MICAL3: variants seen among roughly 807,000 people sequenced by gnomAD.
MICAL3 encodes [F-actin]-monooxygenase MICAL3.
Under a neutral mutation model 207.4 loss-of-function variants are expected in MICAL3, and 62 were observed. That is an observed-to-expected ratio of 0.30 (90% confidence interval 0.24 to 0.37). The LOEUF is 0.37. MICAL3 is among the 10% of genes least tolerant of loss of function. The pLI is 1.00. For missense variants in MICAL3, 2,368 were observed against 2,635.6 expected, an observed-to-expected ratio of 0.90 and a Z score of 2.22; for synonymous variants, 1,077 against 1,069.3, an observed-to-expected ratio of 1.01 and a Z score of -0.14.
intron 19 of MICAL3, among the ~76,000 whole-genome samples, chr22:17,855,590 C>T (rs2016042): frequency 0.37 from 56,060 of 152,060 alleles, 10,518 homozygotes; most frequent in East Asian, 0.48. Flanking sequence ...TTCGAGAGGA[C>T]CAAAACGAAG....
At chr22:17,830,915 G>A (rs572210468) in intron 21 of MICAL3, among the ~76,000 whole-genome samples, 9 of 152,346 alleles carry the variant, frequency 5.9e-5, no homozygotes, top group African/African-American at 2.2e-4. Context: ...TCAGGAACAT[G>A]AGCCCTGTCA....
At chr22:17,998,536 A>T (rs1922561517) in intron 1 of MICAL3, among the ~76,000 whole-genome samples, 1 of 135,600 alleles carries the variant, frequency 7.4e-6, no homozygotes, top group Non-Finnish European at 1.5e-5. Flanking sequence ...CCAGAGCATA[A>T]TAATAATAAT....
intron 1 of MICAL3, among the ~76,000 whole-genome samples, chr22:17,918,479 C>A (rs1932681298): frequency 6.6e-6 from 1 of 152,190 alleles, no homozygotes; most frequent in Non-Finnish European, 1.5e-5. Flanking sequence ...TAATGTGTGG[C>A]AGCCAGATTC....
chr22:17,796,535 G>C lies in MICAL3; in HGVS notation c.5651-5234C>G, dbSNP rs1456325886. On this transcript the variant is annotated intron_variant, in intron 29 of 31. Coordinates refer to ENST00000441493, the MANE Select transcript of MICAL3 (RefSeq NM_015241.3). The surrounding 1 kb of genome is among the most constrained non-coding windows in gnomAD (Gnocchi z 4.4). Reference sequence around the variant, plus strand: ...GTTAAGTGTGGCAGAGCCTGGAAAAGAAGCCAAATCTTCTTGCCCACTCTG... The same window carrying C: ...GTTAAGTGTGGCAGAGCCTGGAAAACAAGCCAAATCTTCTTGCCCACTCTG... Among the ~76,000 whole-genome samples the C allele has an allele frequency of 6.6e-6, 1 of 152,234 alleles. No individual in the cohort carries two copies. The highest frequency in any genetic ancestry group is 1.5e-5 in the Non-Finnish European group (1 of 68,036).
intron 1 of MICAL3, among the ~76,000 whole-genome samples, chr22:17,958,262 T>C (rs1934726852): frequency 6.6e-6 from 1 of 152,166 alleles, no homozygotes; most frequent in Admixed American, 6.5e-5. Flanking sequence ...TGGCCAATAC[T>C]CACCCTTGCT....
intron 19 of MICAL3, among the ~76,000 whole-genome samples, chr22:17,855,070 C>T (rs976028869): frequency 2.6e-5 from 4 of 152,176 alleles, no homozygotes; most frequent in South Asian, 2.1e-4. Context: ...CAGGCCAGGC[C>T]GTGCCACACA....
In MICAL3 at chr22:17,902,038, C is replaced by T; in HGVS notation, c.590-59G>A. The T allele has an allele frequency of 3.2e-6, 4 of 1,243,166 alleles. No homozygotes were observed. The South Asian group carries it at 5.2e-5, about 16-fold the overall frequency. The allele number at this position is 1,243,166 out of a possible 1,614,324, so 77.0% of individuals were successfully genotyped here. A position where few individuals can be genotyped will look rare whatever the true frequency, so the allele number is the denominator to read the frequency against. On this transcript the variant is annotated intron_variant, in intron 4 of 31. Coordinates refer to ENST00000441493, the MANE Select transcript of MICAL3 (RefSeq NM_015241.3). The surrounding 1 kb of genome is among the most constrained non-coding windows in gnomAD (Gnocchi z 4.5). ...ACCCAGACCACATTCACAGCCAGGA[C>T]CATCTCTAGATACCCAGTCATGTGA...
At chr22:17,803,888 A>T (rs750982055) in intron 29 of MICAL3, 120 of 978,308 alleles carry the variant, frequency 1.2e-4, no homozygotes, top group Non-Finnish European at 1.4e-4. Context: ...GTGAAGAGAG[A>T]GTTATTCCAT....
chr22:17,942,849 G>A (rs114104540), intron 1 of MICAL3, among the ~76,000 whole-genome samples: 2 of 152,196 alleles, frequency 1.3e-5, no homozygotes, highest in African/African-American at 2.4e-5. Flanking sequence ...CTGCTCTGCC[G>A]AATTCCCAGC....
chr22:17,886,157 T>A, intron 15 of MICAL3, 106 bp from the exon 16 acceptor site: 1 of 1,229,202 alleles, frequency 8.1e-7, no homozygotes, highest in Non-Finnish European at 1.2e-6. Context: ...GCTGGTGGAC[T>A]GGCTCAGCTC....
intron 19 of MICAL3, 37 bp downstream of exon 19, chr22:17,864,862 T>C: frequency 6.2e-7 from 1 of 1,613,818 alleles, no homozygotes; most frequent in Non-Finnish European, 8.5e-7. Context: ...GCCGAGGGAG[T>C]GACGCGCCAC....
intron 29 of MICAL3, among the ~76,000 whole-genome samples, chr22:17,801,162 T>TGC (rs1230218029): frequency 2.0e-5 from 2 of 100,238 alleles, no homozygotes; most frequent in African/African-American, 5.9e-5. Context: ...TTTTTTTTTT[T>TGC]TTTTTTTTGA....
At chr22:17,978,632 G>C (rs897738305) in intron 1 of MICAL3, among the ~76,000 whole-genome samples, 2 of 151,586 alleles carry the variant, frequency 1.3e-5, no homozygotes, top group Non-Finnish European at 2.9e-5. Flanking sequence ...TCCTACTTCA[G>C]GCTCCTGAGT....
chr22:17,858,639 C>T (rs545358261), intron 19 of MICAL3, among the ~76,000 whole-genome samples: 2 of 152,302 alleles, frequency 1.3e-5, no homozygotes, highest in African/African-American at 4.8e-5. Flanking sequence ...GTGTGTGCCA[C>T]GGCCTCCCTC....
At chr22:17,891,359 G>A (rs1930382022) in intron 12 of MICAL3, 126 bp downstream of exon 12, 5 of 751,622 alleles carry the variant, frequency 6.7e-6, no homozygotes, top group Non-Finnish European at 1.1e-5. Context: ...CAAAATCACT[G>A]CCTTCTAGAG....
intron 29 of MICAL3, among the ~76,000 whole-genome samples, chr22:17,792,069 G>C (rs916605187): frequency 3.9e-5 from 6 of 152,196 alleles, no homozygotes; most frequent in African/African-American, 1.4e-4. Flanking sequence ...AACAGGTGCC[G>C]ATACCAAACC....
Position 17,898,742 on chromosome 22 carries a change from G to A in MICAL3, c.948+706C>T, listed in dbSNP as rs148207147. Among the ~76,000 whole-genome samples the A allele has an allele frequency of 7.2e-4, 109 of 152,286 alleles. 3 individuals carry two copies. In the East Asian group the frequency reaches 9.8e-3, roughly 14 times the overall value. On this transcript the variant is annotated intron_variant, in intron 7 of 31. Transcript: ENST00000441493. ...AAACTCTCCTTCAGGGACCATCCACGCGGTGGTCTTCTGACTTCATATTTC... is the reference window on the plus strand; with the variant it reads ...AAACTCTCCTTCAGGGACCATCCACACGGTGGTCTTCTGACTTCATATTTC...
In MICAL3 at chr22:17,841,719, G is replaced by A; in HGVS notation, c.2801+103C>T. ...AGAATGGACTGCGGGCAGCAGGAAA[G>A]ACAGGAGGCCTCCCTTCACTGAGAA... On this transcript the variant is annotated intron_variant, in intron 20 of 31. Transcript: ENST00000441493. The surrounding 1 kb of genome is among the most constrained non-coding windows in gnomAD (Gnocchi z 4.2). The A allele has an allele frequency of 1.6e-6, 2 of 1,228,030 alleles. No homozygotes were observed. Among genetic ancestry groups the A allele is most frequent in the Non-Finnish European group, 2.3e-6 (2 of 874,284 alleles). 76.1% of individuals were successfully genotyped at this position (1,228,030 alleles called of 1,614,324 possible).
At chr22:17,891,694 C>T in intron 11 of MICAL3, 62 bp from the exon 12 acceptor site, 4 of 1,527,026 alleles carry the variant, frequency 2.6e-6, no homozygotes, top group Non-Finnish European at 2.7e-6. Context: ...GACAGAGAAT[C>T]CTCTTTGTAG....
Sources: gnomAD v4.1 joint callset for allele counts (sites outside exome capture counted in the v4.1 genomes callset) on GRCh38, gnomAD v4.1.1 for gene constraint, Gnocchi (gnomAD v3.1) non-coding constraint, MANE v1.5 for transcripts, NCBI Gene and HGNC (gene_info 2026-07-23, HGNC 2026-07-21) for gene names.